Variants in MOB3A observed in about 807,000 individuals in gnomAD.
The protein encoded by MOB3A is MOB LAK.
In MOB3A, 17 loss-of-function variants were observed where a neutral mutation model predicts 17.8. The observed-to-expected ratio is 0.95, with a 90% CI of 0.65 to 1.43. The LOEUF is 1.43. MOB3A is among the 40% of genes most tolerant of loss of function. The probability of loss-of-function intolerance (pLI) is 0.00; values close to 1 mark genes in which losing one functional copy is unlikely to be tolerated. For missense variants in MOB3A, 333 were observed against 310.8 expected (o/e 1.07, Z -0.54); for synonymous variants, 124 against 133.2 (o/e 0.93, Z 0.48).
At chr19:2,087,852 T>C (rs2017570409) in intron 1 of MOB3A, among the ~76,000 whole-genome samples, 1 of 152,170 alleles carries the variant, frequency 6.6e-6, no homozygotes, top group African/African-American at 2.4e-5. Context: ...ACGGAACTTT[T>C]TCCTAACCCA....
intron 4 of MOB3A, among the ~76,000 whole-genome samples, chr19:2,074,638 C>G (rs1038328694): frequency 6.6e-6 from 1 of 151,764 alleles, no homozygotes; most frequent in Non-Finnish European, 1.5e-5. Flanking sequence ...CTGCAACCTC[C>G]ACCTCCTGGG....
At chr19:2,084,178 T>C in intron 2 of MOB3A, 1 of 486,546 alleles carries the variant, frequency 2.1e-6, no homozygotes, top group Non-Finnish European at 4.1e-6. Flanking sequence ...AACTTCCTCT[T>C]GGCATGTCTG....
At chr19:2,073,830 A>G (rs1296361359) in intron 4 of MOB3A, among the ~76,000 whole-genome samples, 1 of 152,206 alleles carries the variant, frequency 6.6e-6, no homozygotes, top group East Asian at 1.9e-4. Context: ...CAGGAGTTCA[A>G]GACCAGCCTG....
intron 1 of MOB3A, among the ~76,000 whole-genome samples, chr19:2,090,892 G>C (rs901266575): frequency 3.3e-5 from 5 of 152,230 alleles, no homozygotes; most frequent in African/African-American, 1.2e-4. Flanking sequence ...TCGATCTCCT[G>C]ACCTCGTGAT....
rs111906321 is a variant in MOB3A at position 2,088,805 on chromosome 19, G to A, written c.-273-3477C>T. On this transcript the variant is annotated intron_variant, in intron 1 of 4. Coordinates refer to ENST00000357066, the MANE Select transcript of MOB3A (RefSeq NM_130807.3). ...TTTGTAGAGACGGGGGTCTTGCTAT[G>A]TTGTCCAGGCTGGTCTTAAACTCCT... 6.4e-4 allele frequency among the ~76,000 whole-genome samples: 98 copies of A among 152,164 alleles called. 1 individual carries two copies. The highest frequency in any genetic ancestry group is 2.2e-3 in the African/African-American group (90 of 41,484).
rs907925008 is a variant in MOB3A at position 2,075,032 on chromosome 19, C to T, written c.625-1608G>A. ...ACGCCGGGCCTTAATCTTTTCTTTT[C>T]TTTTTTTTTTTTTTTGAGACAGGTT... On this transcript the variant is annotated intron_variant, in intron 4 of 4. Coordinates refer to ENST00000357066, the MANE Select transcript of MOB3A (RefSeq NM_130807.3). Among the ~76,000 whole-genome samples, 1,002 of 133,228 alleles carry T rather than the reference C, an allele frequency of 7.5e-3. 17 individuals carry two copies. The highest frequency in any genetic ancestry group is 0.026 in the African/African-American group (933 of 35,808). 87.4% of individuals were successfully genotyped at this position (133,228 alleles called of 152,430 possible). A position where few individuals can be genotyped will look rare whatever the true frequency, so the allele number is the denominator to read the frequency against.
At chr19:2,091,635 C>T (rs373160643) in intron 1 of MOB3A, among the ~76,000 whole-genome samples, 2 of 151,704 alleles carry the variant, frequency 1.3e-5, no homozygotes, top group African/African-American at 2.4e-5. Flanking sequence ...CCACCCACCT[C>T]GGCCTCCCAA....
intron 1 of MOB3A, among the ~76,000 whole-genome samples, chr19:2,094,596 C>A (rs1458697720): frequency 6.6e-6 from 1 of 152,234 alleles, no homozygotes; most frequent in Non-Finnish European, 1.5e-5. Context: ...CTCAGCTCTG[C>A]GTCCCAGCGC....
At chr19:2,074,954 T>C (rs955994956) in intron 4 of MOB3A, among the ~76,000 whole-genome samples, 17 of 151,834 alleles carry the variant, frequency 1.1e-4, no homozygotes, top group African/African-American at 3.9e-4. Flanking sequence ...CCTGACCTCA[T>C]GAGCTGCCCG....
At chr19:2,095,531 C>T (rs1330124942) in intron 1 of MOB3A, among the ~76,000 whole-genome samples, 1 of 152,200 alleles carries the variant, frequency 6.6e-6, no homozygotes, top group East Asian at 1.9e-4. Context: ...TAATCCACAC[C>T]GGGAGGTGCG....
intron 3 of MOB3A, among the ~76,000 whole-genome samples, chr19:2,077,380 T>A (rs1447135723): frequency 2.0e-5 from 3 of 150,804 alleles, no homozygotes; most frequent in Non-Finnish European, 4.4e-5. Flanking sequence ...CCAGCCTGGG[T>A]GACAGAGTGA....
intron 2 of MOB3A, among the ~76,000 whole-genome samples, chr19:2,080,670 C>T (rs755862807): frequency 2.0e-5 from 3 of 152,154 alleles, no homozygotes; most frequent in Non-Finnish European, 2.9e-5. Context: ...ACCACCGCGC[C>T]CGGCTGTGTT....
At position 2,073,192 on chromosome 19, in the gene MOB3A, G is replaced by A. The variant is rs535422301; in HGVS notation, c.*203C>T. The A allele has an allele frequency of 6.1e-6, 4 of 651,900 alleles. No homozygotes were observed. Among genetic ancestry groups the A allele is most frequent in the South Asian group, 3.6e-5 (2 of 56,268 alleles). The allele number at this position is 651,900 out of a possible 1,614,324, so 40.4% of individuals were successfully genotyped here. On this transcript the variant is annotated 3_prime_UTR_variant, in exon 5 of 5. Transcript: ENST00000357066. Reference sequence around the variant, plus strand: ...CAGAGTTCACGTTTTAGTCCCAGACGGGAGACTGAGGCTCGAGACTGAGGA... The same window carrying A: ...CAGAGTTCACGTTTTAGTCCCAGACAGGAGACTGAGGCTCGAGACTGAGGA...
rs2017362058 is a variant in MOB3A at position 2,073,316 on chromosome 19, G to A, written c.*79C>T. ...AGATGCTCAGGCCGGAGAGAAGCGG[G>A]ATGATGGTTCCAGAGCGTCCTCCTC... On this transcript the variant is annotated 3_prime_UTR_variant, in exon 5 of 5. Transcript: ENST00000357066. 3 of 1,559,496 alleles carry A rather than the reference G, an allele frequency of 1.9e-6. No individual in the cohort carries two copies. The highest frequency in any genetic ancestry group is 2.7e-5 in the African/African-American group (2 of 73,928).
At chr19:2,086,078 T>C (rs2017550257) in intron 1 of MOB3A, among the ~76,000 whole-genome samples, 1 of 151,522 alleles carries the variant, frequency 6.6e-6, no homozygotes, top group Admixed American at 6.6e-5. Context: ...TTTGCTCTTG[T>C]TGCCCAGGCT....
chr19:2,075,307 G>A (rs951000358), intron 4 of MOB3A, among the ~76,000 whole-genome samples: 4 of 152,144 alleles, frequency 2.6e-5, no homozygotes, highest in Admixed American at 6.6e-5. Context: ...TGGGATTACT[G>A]GTGGGAGCCA....
intron 1 of MOB3A, among the ~76,000 whole-genome samples, chr19:2,085,865 G>A (rs1188891146): frequency 6.7e-6 from 1 of 148,558 alleles, no homozygotes; most frequent in East Asian, 2.0e-4. Flanking sequence ...TTGGGAGGCT[G>A]AGGCAGGAGA....
At chr19:2,078,743 A>G (rs377726662) in intron 2 of MOB3A, 64 bp from the exon 3 acceptor site, 12 of 589,604 alleles carry the variant, frequency 2.0e-5, no homozygotes, top group Middle Eastern at 4.1e-4. Flanking sequence ...ACTCGTGCTG[A>G]GGGCACAAGC....
chr19:2,075,633 G>T (rs2017395444), intron 4 of MOB3A, among the ~76,000 whole-genome samples: 1 of 152,096 alleles, frequency 6.6e-6, no homozygotes, highest in Non-Finnish European at 1.5e-5. Context: ...CTGAATCACG[G>T]GCACCCACTC....
Sources: gnomAD v4.1 joint callset for allele counts (sites outside exome capture counted in the v4.1 genomes callset) on GRCh38, gnomAD v4.1.1 for gene constraint, MANE v1.5 for transcripts, NCBI Gene and HGNC (gene_info 2026-07-23, HGNC 2026-07-21) for gene names.